The following KIRREL3 variants were observed in gnomAD, a reference collection of about 807,000 sequenced individuals.
KIRREL3 encodes kin of IRRE-like protein 3.
Under a neutral mutation model 89.7 loss-of-function variants are expected in KIRREL3, and 36 were observed. That is an observed-to-expected ratio of 0.40 (90% CI 0.31 to 0.53). The LOEUF (loss-of-function observed/expected upper bound fraction) is 0.53. KIRREL3 is among the 20% of genes least tolerant of loss of function. The pLI, the probability that KIRREL3 is intolerant of heterozygous loss-of-function variation, is 0.49. For synonymous variants in KIRREL3, 445 were observed against 441.4 expected, an observed-to-expected ratio of 1.01 and a Z score of -0.10; for missense variants, 864 against 1,056.6, an observed-to-expected ratio of 0.82 and a Z score of 2.53.
In KIRREL3 at chr11:126,520,722, T is replaced by C. The variant is rs11220528; in HGVS notation, c.433+593A>G. On this transcript the variant is annotated intron_variant, in intron 4 of 16. Coordinates refer to ENST00000525144, the MANE Select transcript of KIRREL3 (RefSeq NM_032531.4). This position sits in a 1 kb window ranked among gnomAD's most constrained non-coding sequence, Gnocchi z 4.9. ...CCTGGGAACATAAGATGAAGAAAGA[T>C]CAAGGGGAAAAGTATGATTTGGAAT... Among the ~76,000 whole-genome samples the C allele has an allele frequency of 0.27, 41,705 of 151,942 alleles. 6,906 individuals carry two copies. Among genetic ancestry groups the C allele is most frequent in the African/African-American group, 0.46 (18,887 of 41,396 alleles).
In KIRREL3 at chr11:126,912,468, C is replaced by G. The variant is rs1178314915; in HGVS notation, c.55+87987G>C. ...AGCTGGTTCAGCACTTCCGATGGCT[C>G]CAGTCCTAAGCACCCCTCACAGTAG... On this transcript the variant is annotated intron_variant, in intron 1 of 16. Coordinates refer to ENST00000525144, the MANE Select transcript of KIRREL3 (RefSeq NM_032531.4). The surrounding 1 kb of genome is among the most constrained non-coding windows in gnomAD (Gnocchi z 4.7). Among the ~76,000 whole-genome samples, 1 of 152,182 alleles carries G rather than the reference C, an allele frequency of 6.6e-6. No homozygotes were observed. The highest frequency in any genetic ancestry group is 2.4e-5 in the African/African-American group (1 of 41,436).
Position 126,852,092 on chromosome 11 carries a change from C to T in KIRREL3, c.55+148363G>A, listed in dbSNP as rs533306613. Among the ~76,000 whole-genome samples, 4 of 146,462 alleles carry T rather than the reference C, an allele frequency of 2.7e-5. No individual in the cohort carries two copies. The South Asian group carries it at 8.7e-4, about 32-fold the overall frequency. ...TTTTTGAGACAGAGTCTAGCACTGT[C>T]TCCCAGGCCGGAGTGCAGTGGTGCG... On this transcript the variant is annotated intron_variant, in intron 1 of 16. Transcript: ENST00000525144.
chr11:126,945,602 C>T (rs1948599909), intron 1 of KIRREL3, among the ~76,000 whole-genome samples: 1 of 152,148 alleles, frequency 6.6e-6, no homozygotes, highest in African/African-American at 2.4e-5. Context: ...GCAAAACTAC[C>T]TTCACCCTAA....
chr11:126,485,609 T>C lies in KIRREL3; in HGVS notation c.434-12143A>G, dbSNP rs935804630. On this transcript the variant is annotated intron_variant, in intron 4 of 16. Transcript: ENST00000525144. This position sits in a 1 kb window ranked among gnomAD's most constrained non-coding sequence, Gnocchi z 5.8. Reference sequence around the variant, plus strand: ...TGTCTTGTCCCAGAGCTTGGCACTGTAGTAAGAACCCACTAAATTTTAGCT... The same window carrying C: ...TGTCTTGTCCCAGAGCTTGGCACTGCAGTAAGAACCCACTAAATTTTAGCT... Among the ~76,000 whole-genome samples, 5 of 152,230 alleles carry C rather than the reference T, an allele frequency of 3.3e-5. No individual in the cohort carries two copies. Among genetic ancestry groups the C allele is most frequent in the Non-Finnish European group, 7.3e-5 (5 of 68,036 alleles).
intron 5 of KIRREL3, among the ~76,000 whole-genome samples, chr11:126,469,324 G>A (rs1320884975): frequency 6.6e-6 from 1 of 152,248 alleles, no homozygotes; most frequent in Non-Finnish European, 1.5e-5. Context: ...GCCTGATTTT[G>A]TGTGTGCTCC....
At chr11:126,831,058 A>G (rs1404502036) in intron 1 of KIRREL3, among the ~76,000 whole-genome samples, 1 of 152,186 alleles carries the variant, frequency 6.6e-6, no homozygotes, top group Non-Finnish European at 1.5e-5. Flanking sequence ...TGGCACTGCT[A>G]CTTATTAGCT....
Position 126,427,652 on chromosome 11 carries a change from A to G in KIRREL3, c.1806+1527T>C, listed in dbSNP as rs1437571699. Among the ~76,000 whole-genome samples the G allele has an allele frequency of 6.6e-6, 1 of 152,338 alleles. No homozygotes were observed. The highest frequency in any genetic ancestry group is 2.1e-4 in the South Asian group (1 of 4,830). ...CTGGAGAGGTTGGTGGTTGCCTGGC[A>G]CTGAGGAGCCCTGATGGCACACCAG... On this transcript the variant is annotated intron_variant, in intron 15 of 16. Transcript: ENST00000525144. The surrounding 1 kb of genome is among the most constrained non-coding windows in gnomAD (Gnocchi z 5.3).
intron 1 of KIRREL3, among the ~76,000 whole-genome samples, chr11:126,674,753 G>A (rs1591934489): frequency 6.6e-6 from 1 of 152,176 alleles, no homozygotes. Context: ...ATTTTAAATT[G>A]TACTTAATTG....
In KIRREL3 at chr11:126,750,064, G is replaced by A. The variant is rs1949285262; in HGVS notation, c.56-187152C>T. Among the ~76,000 whole-genome samples the A allele has an allele frequency of 6.6e-6, 1 of 152,190 alleles. No homozygotes were observed. Among genetic ancestry groups the A allele is most frequent in the Non-Finnish European group, 1.5e-5 (1 of 68,030 alleles). On this transcript the variant is annotated intron_variant, in intron 1 of 16. Coordinates refer to ENST00000525144, the MANE Select transcript of KIRREL3 (RefSeq NM_032531.4). The surrounding 1 kb of genome is among the most constrained non-coding windows in gnomAD (Gnocchi z 4.2). ...TTTCCTCATCTGTAAAATGCAGGCT[G>A]TGCTACTTAAATGGGGGCTTTTTGT...
chr11:126,938,662 A>C (rs944130093), intron 1 of KIRREL3, among the ~76,000 whole-genome samples: 1 of 152,276 alleles, frequency 6.6e-6, no homozygotes, highest in Admixed American at 6.5e-5. Context: ...CCAAACTCAT[A>C]ATATTTGCTT....
chr11:126,851,673 T>G (rs912339348), intron 1 of KIRREL3, among the ~76,000 whole-genome samples: 1 of 151,920 alleles, frequency 6.6e-6, no homozygotes, highest in Non-Finnish European at 1.5e-5. Context: ...TATCTTCCAG[T>G]GTGGTTTTCT....
Position 126,807,579 on chromosome 11 carries a change from C to A in KIRREL3, c.55+192876G>T, listed in dbSNP as rs907407759. ...CAGGTTTCGTGCATTCATAGACACA[C>A]GGAACCTCATGCAGGTACCCAATTA... is the stretch of plus-strand genomic sequence containing the variant. On this transcript the variant is annotated intron_variant, in intron 1 of 16. Coordinates refer to ENST00000525144, the MANE Select transcript of KIRREL3 (RefSeq NM_032531.4). This position sits in a 1 kb window ranked among gnomAD's most constrained non-coding sequence, Gnocchi z 4.3. Among the ~76,000 whole-genome samples the A allele has an allele frequency of 6.6e-6, 1 of 152,208 alleles. No homozygotes were observed. Among genetic ancestry groups the A allele is most frequent in the African/African-American group, 2.4e-5 (1 of 41,454 alleles).
rs1041205772 is a variant in KIRREL3, at chr11:126,802,845, C to A, written c.55+197610G>T. The stretch of plus-strand genomic sequence containing the variant: ...TGTGACCAGAAATATGCCATAGGAA[C>A]TTAACTCTTGTTTATATCAATTAGC... On this transcript the variant is annotated intron_variant, in intron 1 of 16. Coordinates refer to ENST00000525144, the MANE Select transcript of KIRREL3 (RefSeq NM_032531.4). This position sits in a 1 kb window ranked among gnomAD's most constrained non-coding sequence, Gnocchi z 5.2. Among the ~76,000 whole-genome samples the A allele has an allele frequency of 6.6e-6, 1 of 152,106 alleles. No homozygotes were observed. Among genetic ancestry groups the A allele is most frequent in the Non-Finnish European group, 1.5e-5 (1 of 68,024 alleles).
rs1224268272 is a variant in KIRREL3 at position 126,587,739 on chromosome 11, A to G, written c.56-24827T>C. On this transcript the variant is annotated intron_variant, in intron 1 of 16. Coordinates refer to ENST00000525144, the MANE Select transcript of KIRREL3 (RefSeq NM_032531.4). This position sits in a 1 kb window ranked among gnomAD's most constrained non-coding sequence, Gnocchi z 5.2. Reference sequence around the variant, plus strand: ...CACTAAATTGAAACCGCAGTACAATATATGTGAATGATTAGGTTGTGTAAT... The same window carrying G: ...CACTAAATTGAAACCGCAGTACAATGTATGTGAATGATTAGGTTGTGTAAT... Among the ~76,000 whole-genome samples the G allele has an allele frequency of 4.6e-5, 7 of 152,368 alleles. No homozygotes were observed. Among genetic ancestry groups the G allele is most frequent in the African/African-American group, 1.7e-4 (7 of 41,582 alleles).
chr11:126,893,576 A>C (rs913263448), intron 1 of KIRREL3, among the ~76,000 whole-genome samples: 1 of 152,202 alleles, frequency 6.6e-6, no homozygotes. Flanking sequence ...TAGAAGTTTT[A>C]GACTGTGGAA....
In KIRREL3 at chr11:126,828,548, G is replaced by A. The variant is rs188725601; in HGVS notation, c.55+171907C>T. On this transcript the variant is annotated intron_variant, in intron 1 of 16. Transcript: ENST00000525144. The stretch of plus-strand genomic sequence containing the variant: ...TAAACAGCAGGACCAGGGGAGTGGG[G>A]GGCAAGACAGGTGTCAACGCAGCAG... 1.6e-3 allele frequency among the ~76,000 whole-genome samples: 240 copies of A among 152,262 alleles called. 1 individual carries two copies. The highest frequency in any genetic ancestry group is 5.4e-3 in the African/African-American group (223 of 41,546).
chr11:126,766,802 G>A lies in KIRREL3; in HGVS notation c.56-203890C>T, dbSNP rs1259533283. On this transcript the variant is annotated intron_variant, in intron 1 of 16. Transcript: ENST00000525144. The surrounding 1 kb of genome is among the most constrained non-coding windows in gnomAD (Gnocchi z 4.2). ...TAAAGTGCTGTTGATAATTGTGATAGTTAAAGTGATTTGCTTACAGTAATT... is the reference window on the plus strand; with the variant it reads ...TAAAGTGCTGTTGATAATTGTGATAATTAAAGTGATTTGCTTACAGTAATT... Among the ~76,000 whole-genome samples, 4 of 152,224 alleles carry A rather than the reference G, an allele frequency of 2.6e-5. No individual in the cohort carries two copies. Among genetic ancestry groups the A allele is most frequent in the African/African-American group, 9.6e-5 (4 of 41,470 alleles).
intron 1 of KIRREL3, among the ~76,000 whole-genome samples, chr11:126,884,552 T>C (rs920051594): frequency 6.6e-6 from 1 of 152,148 alleles, no homozygotes; most frequent in African/African-American, 2.4e-5. Flanking sequence ...GCTGACTGGG[T>C]TCATGACAGA....
chr11:126,772,192 A>G lies in KIRREL3; in HGVS notation c.56-209280T>C, dbSNP rs1032900472. On this transcript the variant is annotated intron_variant, in intron 1 of 16. Coordinates refer to ENST00000525144, the MANE Select transcript of KIRREL3 (RefSeq NM_032531.4). This position sits in a 1 kb window ranked among gnomAD's most constrained non-coding sequence, Gnocchi z 4.6. ...TCATATGGTTTTGCTGAATTCTCCA[A>G]GTGTTAGTTGGGAGGGAGGATGCAC... Among the ~76,000 whole-genome samples, 1 of 152,196 alleles carries G rather than the reference A, an allele frequency of 6.6e-6. No homozygotes were observed. The highest frequency in any genetic ancestry group is 2.4e-5 in the African/African-American group (1 of 41,454).
Sources: allele counts gnomAD v4.1 joint callset (sites outside exome capture counted in the v4.1 genomes callset), GRCh38; gene constraint gnomAD v4.1.1; non-coding constraint Gnocchi (gnomAD v3.1); transcripts MANE v1.5; gene names NCBI Gene and HGNC (gene_info 2026-07-23, HGNC 2026-07-21).